The following CLSTN2 variants were observed in gnomAD, a reference collection of about 807,000 sequenced individuals.
The protein encoded by CLSTN2 is calsyntenin 2.
Under a neutral mutation model 101.2 loss-of-function variants are expected in CLSTN2, and 48 were observed. That is an observed-to-expected ratio of 0.47 (90% CI 0.38 to 0.60). The LOEUF (loss-of-function observed/expected upper bound fraction) is 0.60. Ranked by LOEUF, CLSTN2 falls within the 20% of genes least tolerant of loss-of-function variation. The pLI is 0.00. For missense variants in CLSTN2, 1,160 were observed against 1,238.2 expected (o/e 0.94, Z 0.95); for synonymous variants, 481 against 463.6 (o/e 1.04, Z -0.48).
Position 140,568,016 on chromosome 3 carries a change from A to T in CLSTN2, c.*1763A>T, listed in dbSNP as rs1302565497. 6.6e-6 allele frequency: 1 copy of T among 152,250 alleles called. No homozygotes were observed. 9.4% of individuals were successfully genotyped at this position (152,250 alleles called of 1,614,324 possible). A position where few individuals can be genotyped will look rare whatever the true frequency, so the allele number is the denominator to read the frequency against. On this transcript the variant is annotated 3_prime_UTR_variant, in exon 17 of 17. Coordinates refer to ENST00000458420, the MANE Select transcript of CLSTN2 (RefSeq NM_022131.3). ...GACCTCACAACAAATCCTGTGAAGTAACTGAGACATCTGTTGTTAGATACA... is the reference window on the plus strand; with the variant it reads ...GACCTCACAACAAATCCTGTGAAGTTACTGAGACATCTGTTGTTAGATACA...
At chr3:139,992,015 G>A (rs537160709) in intron 1 of CLSTN2, among the ~76,000 whole-genome samples, 1 of 152,260 alleles carries the variant, frequency 6.6e-6, no homozygotes, top group East Asian at 1.9e-4. Flanking sequence ...TGTTATGTGG[G>A]GTGGGGATGC....
intron 2 of CLSTN2, 61 bp from the exon 3 acceptor site, chr3:140,403,568 G>C: frequency 7.3e-7 from 1 of 1,375,480 alleles, no homozygotes; most frequent in Non-Finnish European, 1.0e-6. Context: ...TCCAATGGAA[G>C]CACTGTCTTC....
chr3:140,205,076 A>ACGGC (rs2010763659), intron 2 of CLSTN2, among the ~76,000 whole-genome samples: 1 of 152,160 alleles, frequency 6.6e-6, no homozygotes, highest in Non-Finnish European at 1.5e-5. Flanking sequence ...TCTGTAAGTT[A>ACGGC]CGGCCCTTGT....
At chr3:140,498,956 GA>G (rs1464350485) in intron 8 of CLSTN2, among the ~76,000 whole-genome samples, 5 of 144,340 alleles carry the variant, frequency 3.5e-5, no homozygotes, top group African/African-American at 1.4e-4. Flanking sequence ...GTGAGCACTT[GA>G]ATGTTTTTTT....
intron 4 of CLSTN2, among the ~76,000 whole-genome samples, chr3:140,419,157 A>T (rs1380099370): frequency 1.3e-5 from 2 of 151,728 alleles, no homozygotes; most frequent in East Asian, 2.0e-4. Flanking sequence ...CATTTAGGCA[A>T]TTTTTCTTTA....
intron 1 of CLSTN2, among the ~76,000 whole-genome samples, chr3:140,102,991 A>G (rs537656236): frequency 6.6e-6 from 1 of 152,282 alleles, no homozygotes; most frequent in East Asian, 1.9e-4. Flanking sequence ...ATCTATTTTG[A>G]GAATTTGAAA....
At chr3:140,140,841 T>C (rs1405320945) in intron 1 of CLSTN2, among the ~76,000 whole-genome samples, 3 of 152,216 alleles carry the variant, frequency 2.0e-5, no homozygotes, top group Non-Finnish European at 4.4e-5. Context: ...CAGGTTGGAT[T>C]GGATTGAATT....
intron 2 of CLSTN2, among the ~76,000 whole-genome samples, chr3:140,255,347 A>C (rs988978576): frequency 6.6e-6 from 1 of 152,312 alleles, no homozygotes; most frequent in Admixed American, 6.5e-5. Flanking sequence ...AGACACATGC[A>C]GTGTATGTTC....
intron 2 of CLSTN2, among the ~76,000 whole-genome samples, chr3:140,285,035 C>T (rs2086883059): frequency 6.6e-6 from 1 of 151,976 alleles, no homozygotes; most frequent in South Asian, 2.1e-4. Context: ...AGAGGAAAAG[C>T]CAATACAAAA....
intron 2 of CLSTN2, among the ~76,000 whole-genome samples, chr3:140,232,010 A>T (rs2086375528): frequency 6.6e-6 from 1 of 152,206 alleles, no homozygotes; most frequent in Non-Finnish European, 1.5e-5. Context: ...GGTACTATAT[A>T]TCTTTGGGTC....
chr3:140,556,776 C>A (rs1935805146), intron 11 of CLSTN2, 115 bp downstream of exon 11: 4 of 972,572 alleles, frequency 4.1e-6, no homozygotes, highest in Non-Finnish European at 6.1e-6. Context: ...GTCAGCTGTC[C>A]TCAACTTCTG....
intron 1 of CLSTN2, among the ~76,000 whole-genome samples, chr3:140,101,870 T>G (rs1333259799): frequency 6.6e-6 from 1 of 152,184 alleles, no homozygotes; most frequent in Non-Finnish European, 1.5e-5. Context: ...CTGCTCATGG[T>G]CCGCTGGCCA....
chr3:140,004,774 T>G (rs976042137), intron 1 of CLSTN2, among the ~76,000 whole-genome samples: 1 of 151,882 alleles, frequency 6.6e-6, no homozygotes, highest in African/African-American at 2.4e-5. Context: ...GATTGTTATC[T>G]TTGGCCAGTT....
At chr3:140,096,868 A>T (rs2008877440) in intron 1 of CLSTN2, among the ~76,000 whole-genome samples, 1 of 152,228 alleles carries the variant, frequency 6.6e-6, no homozygotes, top group Admixed American at 6.5e-5. Context: ...TTCCGTGTGA[A>T]GAGACATGAA....
At chr3:140,022,832 C>G (rs1417486165) in intron 1 of CLSTN2, among the ~76,000 whole-genome samples, 1 of 152,206 alleles carries the variant, frequency 6.6e-6, no homozygotes, top group African/African-American at 2.4e-5. Context: ...GCATGAGCCT[C>G]TCCAGACAGG....
chr3:140,475,853 G>A (rs372567960), intron 8 of CLSTN2, among the ~76,000 whole-genome samples: 12 of 152,230 alleles, frequency 7.9e-5, no homozygotes, highest in South Asian at 4.1e-4. Flanking sequence ...TAAAATCAGC[G>A]TTAAAAAGAA....
chr3:140,120,880 T>A (rs911106284), intron 1 of CLSTN2, among the ~76,000 whole-genome samples: 3 of 152,152 alleles, frequency 2.0e-5, no homozygotes, highest in Admixed American at 6.5e-5. Flanking sequence ...TCATTAGGCA[T>A]CCCTGTGCCC....
At chr3:140,226,851 A>C (rs192785042) in intron 2 of CLSTN2, among the ~76,000 whole-genome samples, 1 of 152,298 alleles carries the variant, frequency 6.6e-6, no homozygotes, top group African/African-American at 2.4e-5. Context: ...GTGCAAAAAA[A>C]AACTCCCATT....
At chr3:140,034,047 T>A (rs1175055529) in intron 1 of CLSTN2, among the ~76,000 whole-genome samples, 1 of 152,238 alleles carries the variant, frequency 6.6e-6, no homozygotes, top group Admixed American at 6.5e-5. Flanking sequence ...GTAAATGTGA[T>A]CAAATGTGTA....
Sources: allele counts gnomAD v4.1 joint callset (sites outside exome capture counted in the v4.1 genomes callset), GRCh38; gene constraint gnomAD v4.1.1; transcripts MANE v1.5; gene names NCBI Gene and HGNC (gene_info 2026-07-23, HGNC 2026-07-21).